Variants in GRID1 observed in about 807,000 individuals in gnomAD.
The protein encoded by GRID1 is glutamate receptor ionotropic, delta-1.
A neutral mutation model predicts 98.0 loss-of-function variants in GRID1; 28 were observed. The observed-to-expected ratio is 0.29, with a 90% CI of 0.21 to 0.39. The LOEUF is 0.39. Ranked by LOEUF, GRID1 falls within the 10% of genes least tolerant of loss-of-function variation. The pLI is 1.00. For missense variants in GRID1, 1,111 were observed against 1,340.5 expected (o/e 0.83, Z 2.67); for synonymous variants, 553 against 538.5 (o/e 1.03, Z -0.37).
intron 4 of GRID1, among the ~76,000 whole-genome samples, chr10:85,936,253 C>A (rs966429726): frequency 1.3e-5 from 2 of 152,232 alleles, no homozygotes; most frequent in East Asian, 1.9e-4. Flanking sequence ...TCTTCTAAGG[C>A]TTTTAAGCTC....
At position 86,357,490 on chromosome 10, in the gene GRID1, C is replaced by A. The variant is rs1026976648; in HGVS notation, c.235+6451G>T. On this transcript the variant is annotated intron_variant, in intron 2 of 15. Coordinates refer to ENST00000327946, the MANE Select transcript of GRID1 (RefSeq NM_017551.3). ...CCATGGCAATAAGGAATGAAGGGAGCCTCTTGAACCCAAAATTTGAGGAAG... is the reference window on the plus strand; with the variant it reads ...CCATGGCAATAAGGAATGAAGGGAGACTCTTGAACCCAAAATTTGAGGAAG... Among the ~76,000 whole-genome samples the A allele has an allele frequency of 3.9e-5, 6 of 152,202 alleles. 1 individual carries two copies. Among genetic ancestry groups the A allele is most frequent in the Admixed American group, 2.0e-4 (3 of 15,290 alleles).
chr10:86,130,722 G>C (rs1309450137), intron 4 of GRID1, among the ~76,000 whole-genome samples: 1 of 152,206 alleles, frequency 6.6e-6, no homozygotes, highest in Non-Finnish European at 1.5e-5. Flanking sequence ...ACTTGTCTGT[G>C]TGACCTGATT....
chr10:85,664,196 G>A (rs1049113443), intron 12 of GRID1, among the ~76,000 whole-genome samples: 6 of 152,144 alleles, frequency 3.9e-5, no homozygotes, highest in Admixed American at 2.6e-4. Context: ...ACATGTGAGA[G>A]CCTCCAGTAA....
At chr10:85,861,920 T>C (rs936777325) in intron 6 of GRID1, among the ~76,000 whole-genome samples, 6 of 152,230 alleles carry the variant, frequency 3.9e-5, no homozygotes, top group South Asian at 4.1e-4. Flanking sequence ...CCTAGGGAGA[T>C]GGTAACCACT....
intron 2 of GRID1, chr10:86,264,816 G>A (rs746212878): frequency 4.7e-5 from 22 of 468,632 alleles, no homozygotes; most frequent in Middle Eastern, 3.3e-4. Flanking sequence ...TGTCACCGCC[G>A]CCCCTTCCTG....
chr10:85,831,928 T>C (rs1004962418), intron 8 of GRID1, among the ~76,000 whole-genome samples: 1 of 151,704 alleles, frequency 6.6e-6, no homozygotes, highest in Non-Finnish European at 1.5e-5. Context: ...TAAAATATAT[T>C]GGAAAATAAA....
At chr10:86,323,370 A>G (rs1847997221) in intron 2 of GRID1, among the ~76,000 whole-genome samples, 1 of 152,266 alleles carries the variant, frequency 6.6e-6, no homozygotes, top group Non-Finnish European at 1.5e-5. Flanking sequence ...CAGAGCACAC[A>G]CTGTATTTGA....
chr10:86,239,482 A>G (rs1045231714), intron 2 of GRID1, among the ~76,000 whole-genome samples: 4 of 152,204 alleles, frequency 2.6e-5, no homozygotes, highest in Admixed American at 1.3e-4. Flanking sequence ...CAATGTGATA[A>G]AAAATGAGAC....
chr10:85,671,633 T>A (rs910875626), intron 12 of GRID1, among the ~76,000 whole-genome samples: 3 of 152,148 alleles, frequency 2.0e-5, no homozygotes, highest in Admixed American at 2.0e-4. Flanking sequence ...AATGGCCTGA[T>A]TGAGTGAAAG....
At chr10:86,245,064 T>C (rs1259933146) in intron 2 of GRID1, among the ~76,000 whole-genome samples, 1 of 152,222 alleles carries the variant, frequency 6.6e-6, no homozygotes, top group Non-Finnish European at 1.5e-5. Context: ...CATTTTTTCC[T>C]TTCTCCTCCT....
chr10:86,043,731 CA>C (rs1256812670), intron 4 of GRID1, among the ~76,000 whole-genome samples: 4 of 152,216 alleles, frequency 2.6e-5, no homozygotes, highest in Non-Finnish European at 5.9e-5. Context: ...AACACTTTAA[CA>C]AATACAGTTT....
intron 8 of GRID1, among the ~76,000 whole-genome samples, chr10:85,772,075 G>A (rs549459521): frequency 0.022 from 3,321 of 151,860 alleles, 113 homozygotes; most frequent in African/African-American, 0.076. Flanking sequence ...GTTGGAAGGA[G>A]AGCTCTCCTC....
At chr10:86,153,856 T>C (rs1395724264) in intron 3 of GRID1, among the ~76,000 whole-genome samples, 1 of 152,112 alleles carries the variant, frequency 6.6e-6, no homozygotes, top group African/African-American at 2.4e-5. Flanking sequence ...CCAGAACCTC[T>C]TGGGCCAGAT....
intron 4 of GRID1, among the ~76,000 whole-genome samples, chr10:85,976,979 A>G (rs777419710): frequency 2.0e-5 from 3 of 152,232 alleles, no homozygotes; most frequent in African/African-American, 4.8e-5. Context: ...GGAAGGACTA[A>G]GCACTGGCCT....
intron 8 of GRID1, among the ~76,000 whole-genome samples, chr10:85,801,559 T>C (rs988353251): frequency 3.3e-5 from 5 of 151,802 alleles, no homozygotes; most frequent in African/African-American, 1.2e-4. Flanking sequence ...AGAAAACCCA[T>C]GTCATCACCT....
At chr10:86,264,606 C>T (rs1847073731) in intron 2 of GRID1, 1 of 456,634 alleles carries the variant, frequency 2.2e-6, no homozygotes, top group Non-Finnish European at 4.4e-6. Flanking sequence ...GAGGGCCTGG[C>T]CTGATGCCCC....
chr10:85,863,622 A>G (rs1843186892), intron 6 of GRID1, among the ~76,000 whole-genome samples: 1 of 152,152 alleles, frequency 6.6e-6, no homozygotes, highest in Non-Finnish European at 1.5e-5. Context: ...TAATAAGCAT[A>G]TAAACCCCCC....
chr10:85,825,867 A>G (rs1053620693), intron 8 of GRID1, among the ~76,000 whole-genome samples: 1 of 152,178 alleles, frequency 6.6e-6, no homozygotes. Flanking sequence ...TTATATTTTC[A>G]AATATATATA....
intron 6 of GRID1, among the ~76,000 whole-genome samples, chr10:85,865,912 CATATATATATATATATAT>C (rs375258556): frequency 1.3e-4 from 11 of 83,092 alleles, no homozygotes; most frequent in African/African-American, 1.1e-4. Context: ...TACATATATA[CATATATATATATATATAT>C]ATATATATAT....
Sources: gnomAD v4.1 joint callset for allele counts (sites outside exome capture counted in the v4.1 genomes callset) on GRCh38, gnomAD v4.1.1 for gene constraint, MANE v1.5 for transcripts, NCBI Gene and HGNC (gene_info 2026-07-23, HGNC 2026-07-21) for gene names.